Variants in SYT16 observed in about 807,000 individuals in gnomAD.
SYT16 encodes synaptotagmin-16.
Under a neutral mutation model 61.4 loss-of-function variants are expected in SYT16, and 42 were observed. The ratio of observed to expected loss-of-function variants is 0.68; its 90% CI spans 0.53 to 0.89. The LOEUF is 0.89. Among genes scored for constraint, SYT16 ranks in the 40% least tolerant of loss-of-function variants. The pLI, the probability that SYT16 is intolerant of heterozygous loss-of-function variation, is 0.00. For missense variants in SYT16, 804 were observed against 807.3 expected (o/e 1.00, Z 0.05); for synonymous variants, 314 against 302.3 (o/e 1.04, Z -0.40).
chr14:61,851,315 G>C (rs932218171), intron 1 of SYT16, among the ~76,000 whole-genome samples: 7 of 152,138 alleles, frequency 4.6e-5, no homozygotes, highest in Admixed American at 2.6e-4. Flanking sequence ...TATCATTGAT[G>C]GGCATTTAGG....
chr14:62,039,873 A>ACG (rs1555374320), intron 3 of SYT16, among the ~76,000 whole-genome samples: 16 of 110,328 alleles, frequency 1.5e-4, no homozygotes, highest in African/African-American at 4.4e-4. Context: ...ACACACACAC[A>ACG]CACACGCACA....
At chr14:61,977,456 C>A (rs2051861861) in intron 2 of SYT16, among the ~76,000 whole-genome samples, 1 of 152,106 alleles carries the variant, frequency 6.6e-6, no homozygotes, top group South Asian at 2.1e-4. Context: ...GATGGGGAGG[C>A]AGGCACCTTC....
At chr14:62,079,430 T>TACCA (rs1326771956) in intron 5 of SYT16, 1 of 916,886 alleles carries the variant, frequency 1.1e-6, no homozygotes, top group East Asian at 6.4e-5. Flanking sequence ...ACACAGAAGG[T>TACCA]ACCATCTCCA....
Position 62,107,807 on chromosome 14 carries a change from C to T in SYT16, c.*7100C>T, listed in dbSNP as rs2057539528. 2 of 152,274 alleles carry T rather than the reference C, an allele frequency of 1.3e-5. No individual in the cohort carries two copies. Among genetic ancestry groups the T allele is most frequent in the South Asian group, 4.1e-4 (2 of 4,824 alleles). 9.4% of individuals were successfully genotyped at this position (152,274 alleles called of 1,614,324 possible). A position where few individuals can be genotyped will look rare whatever the true frequency, so the allele number is the denominator to read the frequency against. Reference sequence around the variant, plus strand: ...GGGGGAGGAAATGCATCATTCCATTCCAGCAGTGAAAAGAATTATAGCATC... The same window carrying T: ...GGGGGAGGAAATGCATCATTCCATTTCAGCAGTGAAAAGAATTATAGCATC... On this transcript the variant is annotated 3_prime_UTR_variant, in exon 8 of 8. Transcript: ENST00000683842.
chr14:61,815,906 G>A (rs2045412850), intron 1 of SYT16, among the ~76,000 whole-genome samples: 1 of 152,128 alleles, frequency 6.6e-6, no homozygotes, highest in South Asian at 2.1e-4. Flanking sequence ...TTTTATAGGT[G>A]TTTAGTTTTG....
rs536226197 is a variant in SYT16 at position 61,869,010 on chromosome 14, G to A, written c.-325+56200G>A. Among the ~76,000 whole-genome samples, 123 of 152,080 alleles carry A rather than the reference G, an allele frequency of 8.1e-4. 4 individuals are homozygous for A. In the South Asian group the frequency reaches 0.025, roughly 31 times the overall value. The stretch of plus-strand genomic sequence containing the variant: ...TTCAAGATTTCTATGTACTCCTGAT[G>A]ACTTGATCCCTTTATGATTATGAAA... On this transcript the variant is annotated intron_variant, in intron 1 of 7. Coordinates refer to ENST00000683842, the MANE Select transcript of SYT16 (RefSeq NM_001367656.1).
intron 1 of SYT16, among the ~76,000 whole-genome samples, chr14:61,874,751 A>G (rs1018886481): frequency 6.6e-6 from 1 of 151,524 alleles, no homozygotes; most frequent in African/African-American, 2.4e-5. Context: ...TAACATTTTC[A>G]GAGCCAATGC....
chr14:62,092,374 T>C (rs909894104), intron 7 of SYT16, among the ~76,000 whole-genome samples: 4 of 151,980 alleles, frequency 2.6e-5, no homozygotes, highest in African/African-American at 9.7e-5. Context: ...GCAAATCCAT[T>C]TGTGGGTATG....
chr14:61,955,197 A>C lies in SYT16; in HGVS notation c.-324-14935A>C, dbSNP rs540332727. Among the ~76,000 whole-genome samples, 4 of 152,192 alleles carry C rather than the reference A, an allele frequency of 2.6e-5. No homozygotes were observed. The East Asian group carries it at 7.7e-4, about 29-fold the overall frequency. ...GTTTGCAGATAAGTATGTACCTGTG[A>C]AATGATCAAGCCATCATCACTATCA... is the stretch of plus-strand genomic sequence containing the variant. On this transcript the variant is annotated intron_variant, in intron 1 of 7. Transcript: ENST00000683842.
Position 62,030,482 on chromosome 14 carries a change from T to G in SYT16, c.523+33940T>G, listed in dbSNP as rs113357942. ...AGTGTGGCCTCAATTTACCTTAATT[T>G]GTTGGGAAATAAGAGATACATAGAA... is the stretch of plus-strand genomic sequence containing the variant. On this transcript the variant is annotated intron_variant, in intron 3 of 7. Coordinates refer to ENST00000683842, the MANE Select transcript of SYT16 (RefSeq NM_001367656.1). Among the ~76,000 whole-genome samples, 335 of 152,312 alleles carry G rather than the reference T, an allele frequency of 2.2e-3. 1 individual carries two copies. Among genetic ancestry groups the G allele is most frequent in the African/African-American group, 7.2e-3 (300 of 41,568 alleles).
chr14:62,062,597 G>A (rs1397876228), intron 3 of SYT16, among the ~76,000 whole-genome samples: 1 of 152,110 alleles, frequency 6.6e-6, no homozygotes, highest in East Asian at 1.9e-4. Flanking sequence ...GTTTGAGTCC[G>A]GGAATGGCCA....
At chr14:62,050,259 G>C (rs57192410) in intron 3 of SYT16, among the ~76,000 whole-genome samples, 1 of 151,980 alleles carries the variant, frequency 6.6e-6, no homozygotes, top group Non-Finnish European at 1.5e-5. Context: ...TCCAGTTGAT[G>C]GCATCAGCTG....
intron 1 of SYT16, among the ~76,000 whole-genome samples, chr14:61,965,504 T>G (rs1041799305): frequency 1.3e-5 from 2 of 152,152 alleles, no homozygotes; most frequent in Non-Finnish European, 2.9e-5. Flanking sequence ...GACTTGAACT[T>G]ATTTCTAGTG....
chr14:61,871,554 C>T (rs147654721), intron 1 of SYT16, among the ~76,000 whole-genome samples: 3 of 152,304 alleles, frequency 2.0e-5, no homozygotes, highest in South Asian at 2.1e-4. Context: ...ACAGGGATCA[C>T]TTCATTCATT....
chr14:61,915,167 A>T (rs1178824911), intron 1 of SYT16, among the ~76,000 whole-genome samples: 2 of 152,106 alleles, frequency 1.3e-5, no homozygotes, highest in Non-Finnish European at 2.9e-5. Context: ...GGATAGCCGG[A>T]TGGTCAACAA....
chr14:62,058,598 A>G lies in SYT16; in HGVS notation c.524-11005A>G, dbSNP rs148135958. Among the ~76,000 whole-genome samples the G allele has an allele frequency of 1.8e-4, 27 of 152,116 alleles. 1 individual carries two copies. In the East Asian group the frequency reaches 5.2e-3, roughly 29 times the overall value. ...CAGGCTGGTCTCGACCTCTGATCTT[A>G]GTTGATCTGCCCGCCTTGGCCTCCC... On this transcript the variant is annotated intron_variant, in intron 3 of 7. Transcript: ENST00000683842.
intron 3 of SYT16, among the ~76,000 whole-genome samples, chr14:62,010,574 GGT>G (rs964941363): frequency 1.3e-5 from 2 of 151,930 alleles, no homozygotes; most frequent in African/African-American, 4.8e-5. Context: ...ACCATCCAGT[GGT>G]TACTCTGGAA....
intron 3 of SYT16, among the ~76,000 whole-genome samples, chr14:62,010,276 G>A (rs913558219): frequency 6.6e-6 from 1 of 152,150 alleles, no homozygotes. Flanking sequence ...GTCAGGTGAT[G>A]AAAAGTGCCA....
intron 1 of SYT16, among the ~76,000 whole-genome samples, chr14:61,908,370 A>G (rs1052350638): frequency 6.6e-6 from 1 of 152,182 alleles, no homozygotes; most frequent in East Asian, 1.9e-4. Context: ...ACTTTCCTAG[A>G]CCTATTATAT....
Sources: allele counts gnomAD v4.1 joint callset (sites outside exome capture counted in the v4.1 genomes callset), GRCh38; gene constraint gnomAD v4.1.1; transcripts MANE v1.5; gene names NCBI Gene and HGNC (gene_info 2026-07-23, HGNC 2026-07-21).